Variants in EMSY observed in about 807,000 individuals in gnomAD.
EMSY encodes the protein EMSY transcriptional repressor, BRCA2 interacting, also known as BRCA2-interacting transcriptional repressor EMSY.
A neutral mutation model predicts 134.6 loss-of-function variants in EMSY; 26 were observed. The ratio of observed to expected loss-of-function variants is 0.19; its 90% CI spans 0.14 to 0.27. The LOEUF (loss-of-function observed/expected upper bound fraction) is 0.27. Among genes scored for constraint, EMSY ranks in the 10% least tolerant of loss-of-function variants. The pLI is 1.00. For missense variants in EMSY, 1,305 were observed against 1,611.4 expected, an observed-to-expected ratio of 0.81 and a Z score of 3.26; for synonymous variants, 579 against 577.8, an observed-to-expected ratio of 1.00 and a Z score of -0.03.
rs73493458 is a variant in EMSY, at chr11:76,449,214, G to A, written c.70+2206G>A. 5.0e-3 allele frequency among the ~76,000 whole-genome samples: 758 copies of A among 152,276 alleles called. 4 individuals are homozygous for A. Among genetic ancestry groups the A allele is most frequent in the African/African-American group, 0.017 (720 of 41,550 alleles). ...TACCAGAAATTCAACTAAATTTGAG[G>A]TATGTGAAGATCTAAGGATACCCAT... On this transcript the variant is annotated intron_variant, in intron 2 of 20. Transcript: ENST00000334736.
intron 6 of EMSY, among the ~76,000 whole-genome samples, chr11:76,462,194 G>A (rs908756534): frequency 9.2e-5 from 14 of 151,786 alleles, no homozygotes; most frequent in African/African-American, 3.4e-4. Context: ...AGCTGAGATC[G>A]CACCACTGCA....
chr11:76,450,142 C>A (rs915927135), intron 2 of EMSY, among the ~76,000 whole-genome samples: 32 of 145,580 alleles, frequency 2.2e-4, no homozygotes, highest in African/African-American at 7.4e-4. Flanking sequence ...TGATGTATTT[C>A]TCTTCTGCAC....
chr11:76,445,759 G>A (rs1168002310), intron 1 of EMSY, among the ~76,000 whole-genome samples: 1 of 152,184 alleles, frequency 6.6e-6, no homozygotes, highest in African/African-American at 2.4e-5. Flanking sequence ...GTCGCCGGCC[G>A]CCTCCAAGAT....
intron 6 of EMSY, 77 bp downstream of exon 7, chr11:76,460,162 C>G: frequency 6.6e-7 from 1 of 1,514,268 alleles, no homozygotes; most frequent in Non-Finnish European, 9.1e-7. Context: ...ACCTGCCTTC[C>G]TGGATTAAAT....
intron 3 of EMSY, 151 bp downstream of exon 3, chr11:76,452,108 G>A (rs969727246): frequency 7.3e-5 from 34 of 466,726 alleles, no homozygotes; most frequent in African/African-American, 5.5e-4. Context: ...CCAGTTGTGT[G>A]CTCTGTTACA....
chr11:76,493,476 G>C (rs557538327), intron 8 of EMSY, among the ~76,000 whole-genome samples: 1 of 152,274 alleles, frequency 6.6e-6, no homozygotes, highest in South Asian at 2.1e-4. Flanking sequence ...TCCAGGTGGA[G>C]TCGAGACTGG....
At chr11:76,517,972 A>G (rs1244133892) in intron 11 of EMSY, among the ~76,000 whole-genome samples, 1 of 152,090 alleles carries the variant, frequency 6.6e-6, no homozygotes, top group Non-Finnish European at 1.5e-5. Flanking sequence ...TATTCTTTAT[A>G]AAGACAATTT....
intron 14 of EMSY, among the ~76,000 whole-genome samples, chr11:76,532,000 A>G (rs575685411): frequency 2.6e-5 from 4 of 152,224 alleles, no homozygotes; most frequent in African/African-American, 9.6e-5. Context: ...TCATCACCCT[A>G]TTTTGAGACT....
intron 11 of EMSY, among the ~76,000 whole-genome samples, chr11:76,520,304 A>G (rs971674465): frequency 6.6e-6 from 1 of 152,040 alleles, no homozygotes; most frequent in Admixed American, 6.5e-5. Context: ...AAATTGAAAA[A>G]CCTCTGTAAT....
intron 14 of EMSY, among the ~76,000 whole-genome samples, chr11:76,530,835 T>A (rs193085137): frequency 7.7e-4 from 117 of 152,348 alleles, no homozygotes; most frequent in Non-Finnish European, 1.4e-3. Context: ...TATATGAGAA[T>A]ATTCCTACTT....
intron 11 of EMSY, among the ~76,000 whole-genome samples, chr11:76,519,148 C>T (rs886483584): frequency 6.6e-6 from 1 of 151,152 alleles, no homozygotes; most frequent in Non-Finnish European, 1.5e-5. Context: ...CACTGCTACC[C>T]CCGCCTCCCA....
At chr11:76,532,281 A>G (rs1951070255) in intron 14 of EMSY, among the ~76,000 whole-genome samples, 1 of 152,092 alleles carries the variant, frequency 6.6e-6, no homozygotes, top group Non-Finnish European at 1.5e-5. Context: ...CAGAGCAGCA[A>G]CCATAATAAC....
At chr11:76,452,417 A>T (rs1947706369) in intron 3 of EMSY, among the ~76,000 whole-genome samples, 1 of 152,198 alleles carries the variant, frequency 6.6e-6, no homozygotes, top group Non-Finnish European at 1.5e-5. Flanking sequence ...GAAAATATGG[A>T]AGAGGCTCTT....
At chr11:76,467,994 A>AC (rs1312853642) in intron 7 of EMSY, among the ~76,000 whole-genome samples, 13 of 151,660 alleles carry the variant, frequency 8.6e-5, no homozygotes, top group Admixed American at 2.6e-4. Context: ...AAAAAAAACA[A>AC]AAAAAAAAAC....
At chr11:76,465,899 C>T (rs758398674) in intron 7 of EMSY, among the ~76,000 whole-genome samples, 3 of 152,218 alleles carry the variant, frequency 2.0e-5, no homozygotes, top group Non-Finnish European at 4.4e-5. Flanking sequence ...ACATCCACTA[C>T]CCCTTTACCT....
At chr11:76,537,128 G>A (rs973551153) in intron 15 of EMSY, among the ~76,000 whole-genome samples, 67 of 152,252 alleles carry the variant, frequency 4.4e-4, no homozygotes, top group Non-Finnish European at 1.3e-4. Context: ...TTCTCTTAAT[G>A]CCTTATAGAG....
intron 8 of EMSY, among the ~76,000 whole-genome samples, chr11:76,487,074 G>A (rs887831264): frequency 6.6e-6 from 1 of 152,156 alleles, no homozygotes; most frequent in Non-Finnish European, 1.5e-5. Context: ...CCAGGAGATC[G>A]AGACCATCCT....
chr11:76,496,255 T>A, exon 9 of EMSY: 1 of 1,614,142 alleles, frequency 6.2e-7, no homozygotes, highest in African/African-American at 1.3e-5. Flanking sequence ...CAACCAGACT[T>A]CCTTCCCCCA....
intron 20 of EMSY, among the ~76,000 whole-genome samples, chr11:76,546,512 A>G (rs1244817236): frequency 6.6e-6 from 1 of 152,178 alleles, no homozygotes. Flanking sequence ...ATTGATGGAC[A>G]TTGTCACCCA....
Sources: gnomAD v4.1 joint callset for allele counts (sites outside exome capture counted in the v4.1 genomes callset) on GRCh38, gnomAD v4.1.1 for gene constraint, MANE v1.5 for transcripts, NCBI Gene and HGNC (gene_info 2026-07-23, HGNC 2026-07-21) for gene names.